The following SLC24A2 variants were observed in gnomAD, a reference collection of about 807,000 sequenced individuals.
SLC24A2 encodes sodium/potassium/calcium exchanger 2.
SLC24A2 carries 36 observed loss-of-function variants against 62.0 expected under a neutral mutation model. That is an observed-to-expected ratio of 0.58 (90% CI 0.44 to 0.77). SLC24A2 has a LOEUF of 0.77. Among genes scored for constraint, SLC24A2 ranks in the 30% least tolerant of loss-of-function variants. The pLI is 0.00. For synonymous variants in SLC24A2, 358 were observed against 294.0 expected (o/e 1.22, Z -2.23); for missense variants, 846 against 817.9 (o/e 1.03, Z -0.42).
At chr9:20,184,988 C>T in the SLC24A2 span, among the ~76,000 whole-genome samples, 1 of 152,058 alleles carries the variant, frequency 6.6e-6, no homozygotes, top group African/African-American at 2.4e-5. Context: ...TGAAATAAGT[C>T]AGGCACGGAA....
the SLC24A2 span, among the ~76,000 whole-genome samples, chr9:20,267,058 G>GAAAAA: frequency 1.8e-4 from 23 of 127,626 alleles, no homozygotes; most frequent in Non-Finnish European, 3.0e-4. Context: ...CTTAAGAAAT[G>GAAAAA]AAAAAAAAAA....
At chr9:19,992,976 C>A in the SLC24A2 span, among the ~76,000 whole-genome samples, 1 of 152,108 alleles carries the variant, frequency 6.6e-6, no homozygotes, top group Non-Finnish European at 1.5e-5. Context: ...CAGTGGTAGC[C>A]AACAAACTAA....
chr9:19,529,334 C>T (rs546284435), intron 8 of SLC24A2, among the ~76,000 whole-genome samples: 1 of 152,212 alleles, frequency 6.6e-6, no homozygotes, highest in African/African-American at 2.4e-5. Flanking sequence ...AAGATAAACT[C>T]ATACATGGTA....
intron 8 of SLC24A2, among the ~76,000 whole-genome samples, chr9:19,535,047 C>G (rs1041159379): frequency 6.6e-6 from 1 of 152,150 alleles, no homozygotes; most frequent in African/African-American, 2.4e-5. Context: ...TAATGATCAC[C>G]ATTCTAACTG....
chr9:20,265,807 G>A, the SLC24A2 span, among the ~76,000 whole-genome samples: 18 of 152,310 alleles, frequency 1.2e-4, no homozygotes, highest in East Asian at 5.8e-4. Flanking sequence ...GAGAAATATC[G>A]CTGAATTCTT....
the SLC24A2 span, among the ~76,000 whole-genome samples, chr9:20,271,499 T>C: frequency 6.6e-6 from 1 of 152,214 alleles, no homozygotes. Flanking sequence ...CAACAGATCA[T>C]CTCTGAGAAA....
chr9:19,689,660 C>G (rs1819986391), intron 2 of SLC24A2, among the ~76,000 whole-genome samples: 1 of 152,132 alleles, frequency 6.6e-6, no homozygotes, highest in Non-Finnish European at 1.5e-5. Context: ...CTGGCCATGT[C>G]CAATGTGTAA....
At chr9:20,220,355 C>T in the SLC24A2 span, among the ~76,000 whole-genome samples, 3 of 152,120 alleles carry the variant, frequency 2.0e-5, no homozygotes, top group Non-Finnish European at 4.4e-5. Flanking sequence ...CTCGGATGCA[C>T]CCCCGTGCTG....
rs1331967368 is a variant in SLC24A2, at chr9:19,788,243, TG to T, written c.-154+641del. ...CGACCCCATCACGGAGATTCCCAGG[TG>T]GCTGCGAACGTCAACGCTTAGCAGG... is the stretch of plus-strand genomic sequence containing the variant. On this transcript the variant is annotated intron_variant, in intron 1 of 10. Transcript: ENST00000341998. Among the ~76,000 whole-genome samples, 11 of 152,334 alleles carry T rather than the reference TG, an allele frequency of 7.2e-5. No individual in the cohort carries two copies. The East Asian group carries it at 2.1e-3, about 29-fold the overall frequency.
the SLC24A2 span, among the ~76,000 whole-genome samples, chr9:20,237,956 C>A: frequency 6.6e-6 from 1 of 152,096 alleles, no homozygotes; most frequent in Admixed American, 6.5e-5. Context: ...ACTGAAATGT[C>A]CCAGAAGGCT....
chr9:19,608,852 A>G (rs1376521318), intron 4 of SLC24A2, among the ~76,000 whole-genome samples: 1 of 152,088 alleles, frequency 6.6e-6, no homozygotes, highest in Non-Finnish European at 1.5e-5. Flanking sequence ...CCTCGACAGG[A>G]GAGACTGCTA....
the SLC24A2 span, among the ~76,000 whole-genome samples, chr9:20,161,127 T>C: frequency 6.6e-6 from 1 of 151,454 alleles, no homozygotes; most frequent in African/African-American, 2.4e-5. Flanking sequence ...CAATTAAATT[T>C]GAAAACTTAG....
At chr9:20,042,632 G>A in the SLC24A2 span, among the ~76,000 whole-genome samples, 2 of 152,188 alleles carry the variant, frequency 1.3e-5, no homozygotes, top group Non-Finnish European at 2.9e-5. Flanking sequence ...TTCAGTAGCA[G>A]AGAATGCAGG....
the SLC24A2 span, among the ~76,000 whole-genome samples, chr9:19,829,686 G>A: frequency 6.6e-6 from 1 of 150,974 alleles, no homozygotes; most frequent in Non-Finnish European, 1.5e-5. Context: ...AGCTATGTTT[G>A]TACCACTGTT....
At chr9:20,197,347 G>A in the SLC24A2 span, among the ~76,000 whole-genome samples, 1 of 149,380 alleles carries the variant, frequency 6.7e-6, no homozygotes, top group Non-Finnish European at 1.5e-5. Flanking sequence ...GACATAAATA[G>A]TTTAGGGCCA....
At chr9:20,266,364 A>T in the SLC24A2 span, among the ~76,000 whole-genome samples, 1 of 152,204 alleles carries the variant, frequency 6.6e-6, no homozygotes, top group Non-Finnish European at 1.5e-5. Context: ...TAGTGAAAAT[A>T]GAAAAGAACC....
intron 2 of SLC24A2, among the ~76,000 whole-genome samples, chr9:19,757,000 C>A (rs1275653609): frequency 7.0e-6 from 1 of 143,416 alleles, no homozygotes; most frequent in Non-Finnish European, 1.5e-5. Context: ...GCCTCAAACT[C>A]CTGGGCTCAG....
At chr9:19,758,321 A>C (rs1186338510) in intron 2 of SLC24A2, among the ~76,000 whole-genome samples, 1 of 152,216 alleles carries the variant, frequency 6.6e-6, no homozygotes, top group Admixed American at 6.5e-5. Flanking sequence ...GTCTGTGAAG[A>C]AGATAGACAC....
the SLC24A2 span, among the ~76,000 whole-genome samples, chr9:20,186,958 T>C: frequency 4.0e-3 from 606 of 152,306 alleles, no homozygotes; most frequent in Middle Eastern, 6.8e-3. Context: ...TTCTGAGTCT[T>C]GTCCCTATGC....
Sources: gnomAD v4.1 joint callset for allele counts (sites outside exome capture counted in the v4.1 genomes callset) on GRCh38, gnomAD v4.1.1 for gene constraint, MANE v1.5 for transcripts, NCBI Gene and HGNC (gene_info 2026-07-23, HGNC 2026-07-21) for gene names.